The following CTSC variants were observed in gnomAD, a reference collection of about 807,000 sequenced individuals.
CTSC encodes the protein cathepsin C.
Under a neutral mutation model 40.9 loss-of-function variants are expected in CTSC, and 37 were observed. The observed-to-expected ratio is 0.91, with a 90% CI of 0.70 to 1.19. The LOEUF (loss-of-function observed/expected upper bound fraction) is 1.19. Ranked by LOEUF, CTSC falls within the 50% of genes most tolerant of loss-of-function variation. The pLI is 0.00. For synonymous variants in CTSC, 232 were observed against 207.4 expected (o/e 1.12, Z -1.02); for missense variants, 594 against 567.3 (o/e 1.05, Z -0.48).
At chr11:88,327,979 G>A (rs942834798) in intron 2 of CTSC, 4 of 718,332 alleles carry the variant, frequency 5.6e-6, no homozygotes, top group Non-Finnish European at 1.0e-5. Context: ...GCTCAAGCAA[G>A]AAATTCATAA....
chr11:88,305,636 A>G (rs1441732385), intron 4 of CTSC, among the ~76,000 whole-genome samples: 1 of 152,246 alleles, frequency 6.6e-6, no homozygotes, highest in Non-Finnish European at 1.5e-5. Context: ...TTGGATTCTT[A>G]GAACAGAACT....
intron 2 of CTSC, among the ~76,000 whole-genome samples, chr11:88,332,811 C>T (rs773372960): frequency 1.3e-5 from 2 of 152,142 alleles, no homozygotes; most frequent in Non-Finnish European, 2.9e-5. Flanking sequence ...AGTATTTTTT[C>T]TATTGTTATT....
rs35388709 is a variant in CTSC at position 88,336,539 on chromosome 11, C to CA, written c.172+961dup. ...GGGTGACAGAGCAAGACTCCATTCTCAAAAAAAAAAAAAAAAAAGTTACAA... is the reference window on the plus strand; with the variant it reads ...GGGTGACAGAGCAAGACTCCATTCTCAAAAAAAAAAAAAAAAAAAGTTACAA... On this transcript the variant is annotated intron_variant, in intron 1 of 6. Transcript: ENST00000227266. 5.5e-3 allele frequency among the ~76,000 whole-genome samples: 476 copies of CA among 87,194 alleles called. 3 individuals carry two copies. Among genetic ancestry groups the CA allele is most frequent in the East Asian group, 0.02 (69 of 3,510 alleles). The allele number at this position is 87,194 out of a possible 152,430, so 57.2% of individuals were successfully genotyped here. A position where few individuals can be genotyped will look rare whatever the true frequency, so the allele number is the denominator to read the frequency against.
chr11:88,320,442 C>T (rs540800497), intron 2 of CTSC, among the ~76,000 whole-genome samples: 109 of 152,296 alleles, frequency 7.2e-4, no homozygotes, highest in African/African-American at 2.5e-3. Context: ...TCATCTAATC[C>T]ACTCCTCAGC....
intron 4 of CTSC, among the ~76,000 whole-genome samples, chr11:88,302,775 AT>A (rs1172900670): frequency 6.6e-6 from 1 of 152,110 alleles, no homozygotes; most frequent in Non-Finnish European, 1.5e-5. Flanking sequence ...TTGTTCACTA[AT>A]TTTTTCTCCT....
At chr11:88,317,570 T>C (rs778902260) in intron 2 of CTSC, among the ~76,000 whole-genome samples, 25 of 152,190 alleles carry the variant, frequency 1.6e-4, no homozygotes, top group Non-Finnish European at 3.1e-4. Context: ...ACGCAGTACC[T>C]TAAGGGGGAC....
chr11:88,304,827 G>T (rs1394758221), intron 4 of CTSC, among the ~76,000 whole-genome samples: 2 of 152,158 alleles, frequency 1.3e-5, no homozygotes, highest in Non-Finnish European at 2.9e-5. Context: ...GCCAGGTTTG[G>T]TGGCTCACAT....
chr11:88,296,478 A>G, intron 5 of CTSC: 1 of 507,870 alleles, frequency 2.0e-6, no homozygotes, highest in Non-Finnish European at 3.5e-6. Context: ...GGCAAACATT[A>G]GTACATGGGA....
intron 1 of CTSC, among the ~76,000 whole-genome samples, chr11:88,336,735 T>C (rs1468996612): frequency 6.6e-6 from 1 of 152,104 alleles, no homozygotes; most frequent in Non-Finnish European, 1.5e-5. Flanking sequence ...CTCTTCTAAC[T>C]AGTGATTGTC....
At chr11:88,319,592 A>G (rs966841463) in intron 2 of CTSC, among the ~76,000 whole-genome samples, 1 of 152,156 alleles carries the variant, frequency 6.6e-6, no homozygotes, top group Non-Finnish European at 1.5e-5. Context: ...AATCATAATA[A>G]TGAAGAATAT....
At chr11:88,333,028 C>T (rs772931830) in intron 2 of CTSC, among the ~76,000 whole-genome samples, 5 of 152,132 alleles carry the variant, frequency 3.3e-5, no homozygotes, top group South Asian at 4.1e-4. Context: ...GTGCTTACAC[C>T]GTGATTCACA....
Position 88,334,999 on chromosome 11 carries a change from T to C in CTSC, c.256A>G (p.Ile86Val). 1 of 1,610,694 alleles carries C rather than the reference T, an allele frequency of 6.2e-7. No homozygotes were observed. The highest frequency in any genetic ancestry group is 8.5e-7 in the Non-Finnish European group (1 of 1,177,168). Residue 86 changes from isoleucine (I) to valine (V), a missense_variant, in exon 2 of 7, where the codon ATC becomes GTC. Transcript: ENST00000227266. Reference sequence around the variant, plus strand: ...ATCTCAAAGCCTTGGTTGTAAATGATGGTGAAATGGCCAGAATTGCCAAGG... The same window carrying C: ...ATCTCAAAGCCTTGGTTGTAAATGACGGTGAAATGGCCAGAATTGCCAAGG... ...DDLGNSGHFTIIYNQGFEIVL... is the reference protein window; with the variant it reads ...DDLGNSGHFTVIYNQGFEIVL...
chr11:88,308,061 A>T (rs1937671788), intron 4 of CTSC, among the ~76,000 whole-genome samples: 1 of 152,214 alleles, frequency 6.6e-6, no homozygotes, highest in South Asian at 2.1e-4. Flanking sequence ...GGTAGCGACG[A>T]AAGAGATGGC....
At chr11:88,304,698 C>A (rs1234902275) in intron 4 of CTSC, among the ~76,000 whole-genome samples, 7 of 152,190 alleles carry the variant, frequency 4.6e-5, no homozygotes, top group Non-Finnish European at 2.9e-5. Flanking sequence ...AACAGACAGG[C>A]TGCAGTAAAG....
intron 2 of CTSC, chr11:88,325,151 G>A: frequency 2.0e-6 from 2 of 984,942 alleles, no homozygotes; most frequent in Non-Finnish European, 2.4e-6. Flanking sequence ...GAAAGAGCTA[G>A]AAGATAGCAA....
intron 2 of CTSC, among the ~76,000 whole-genome samples, chr11:88,316,289 T>C (rs900340235): frequency 4.6e-5 from 7 of 152,196 alleles, no homozygotes; most frequent in African/African-American, 1.7e-4. Flanking sequence ...CGTTCCTCTC[T>C]GTACTTTCAG....
Position 88,293,709 on chromosome 11 carries a change from C to T in CTSC, c.*297G>A, listed in dbSNP as rs946888035. The T allele has an allele frequency of 8.0e-6, 3 of 373,062 alleles. No homozygotes were observed. Among genetic ancestry groups the T allele is most frequent in the African/African-American group, 4.1e-5 (2 of 49,254 alleles). 23.1% of individuals were successfully genotyped at this position (373,062 alleles called of 1,614,324 possible). On this transcript the variant is annotated 3_prime_UTR_variant, in exon 7 of 7. Coordinates refer to ENST00000227266, the MANE Select transcript of CTSC (RefSeq NM_001814.6). ...ATTTAAAAATAAGTCTATGTTTTCA[C>T]ATTGATTTTAAAAAATATAGCATGT...
intron 2 of CTSC, among the ~76,000 whole-genome samples, chr11:88,329,783 G>A (rs572444097): frequency 6.6e-6 from 1 of 152,292 alleles, no homozygotes; most frequent in African/African-American, 2.4e-5. Context: ...ATGGAGTGCA[G>A]TGGTGCAATC....
At chr11:88,316,132 G>T (rs1376986806) in intron 2 of CTSC, among the ~76,000 whole-genome samples, 1 of 152,080 alleles carries the variant, frequency 6.6e-6, no homozygotes, top group African/African-American at 2.4e-5. Context: ...CATTCTTCAG[G>T]TACCTATGTT....
Sources: gnomAD v4.1 joint callset for allele counts (sites outside exome capture counted in the v4.1 genomes callset) on GRCh38, gnomAD v4.1.1 for gene constraint, MANE v1.5 for transcripts, NCBI Gene and HGNC (gene_info 2026-07-23, HGNC 2026-07-21) for gene names.